The following ABCA12 variants were observed in gnomAD, a reference collection of about 807,000 sequenced individuals.
ABCA12 encodes the protein ATP binding cassette subfamily A member 12.
Under a neutral mutation model 293.5 loss-of-function variants are expected in ABCA12, and 156 were observed. The ratio of observed to expected loss-of-function variants is 0.53; its 90% CI spans 0.47 to 0.61. ABCA12 has a LOEUF of 0.61. Ranked by LOEUF, ABCA12 falls within the 20% of genes least tolerant of loss-of-function variation. The pLI, the probability that ABCA12 is intolerant of heterozygous loss-of-function variation, is 0.00. For synonymous variants in ABCA12, 1,063 were observed against 1,108.0 expected, an observed-to-expected ratio of 0.96 and a Z score of 0.81; for missense variants, 2,797 against 3,090.2, an observed-to-expected ratio of 0.91 and a Z score of 2.25.
intron 7 of ABCA12, among the ~76,000 whole-genome samples, chr2:215,040,805 C>T (rs191085244): frequency 1.3e-5 from 2 of 150,196 alleles, no homozygotes; most frequent in African/African-American, 5.0e-5. Flanking sequence ...GAGGGAGACT[C>T]CGTCTCAAAA....
At position 215,001,696 on chromosome 2, in the gene ABCA12, C is replaced by G; in HGVS notation, c.2725G>C (p.Asp909His). The G allele has an allele frequency of 1.2e-6, 2 of 1,613,296 alleles. No homozygotes were observed. The highest frequency in any genetic ancestry group is 1.7e-6 in the Non-Finnish European group (2 of 1,179,692). Reference sequence around the variant, plus strand: ...AGGGAAGATAGTGTGTTAAGCTGATCGATGATGTCAATGTTGTTCTCTAAT... The same window carrying G: ...AGGGAAGATAGTGTGTTAAGCTGATGGATGATGTCAATGTTGTTCTCTAAT... ...LKLENNIDII[D>H]QLNTLSSLTV... The change falls in exon 21 of 53, where the codon GAT becomes CAT. Residue 909 changes from aspartate (D) to histidine (H), a missense_variant. Asp to His is a moderately conservative substitution (Grantham distance 81). Coordinates refer to ENST00000272895, the MANE Select transcript of ABCA12 (RefSeq NM_173076.3).
chr2:215,088,213 G>C (rs993792926), intron 2 of ABCA12, among the ~76,000 whole-genome samples: 1 of 152,208 alleles, frequency 6.6e-6, no homozygotes, highest in Admixed American at 6.5e-5. Flanking sequence ...ATATAAGATA[G>C]ACTGAAGGAG....
intron 7 of ABCA12, among the ~76,000 whole-genome samples, chr2:215,044,862 A>G (rs1701169452): frequency 6.6e-6 from 1 of 152,156 alleles, no homozygotes; most frequent in Non-Finnish European, 1.5e-5. Flanking sequence ...AAGCATTCCA[A>G]AAGTAAAAAG....
At chr2:214,997,351 T>G (rs1368059355) in intron 23 of ABCA12, among the ~76,000 whole-genome samples, 1 of 152,208 alleles carries the variant, frequency 6.6e-6, no homozygotes, top group Non-Finnish European at 1.5e-5. Flanking sequence ...ACAATCTCTC[T>G]GCCTGAACAG....
At chr2:215,123,367 C>A (rs1333547895) in intron 1 of ABCA12, among the ~76,000 whole-genome samples, 2 of 152,016 alleles carry the variant, frequency 1.3e-5, no homozygotes, top group Non-Finnish European at 2.9e-5. Flanking sequence ...TATGGGGTTT[C>A]ACCATGTTGG....
chr2:215,119,464 CTTGAG>C (rs1702755585), intron 1 of ABCA12, among the ~76,000 whole-genome samples: 1 of 152,104 alleles, frequency 6.6e-6, no homozygotes, highest in Non-Finnish European at 1.5e-5. Context: ...TCTAATCCAT[CTTGAG>C]TTAATTTTTA....
At chr2:215,131,912 T>A (rs543123602) in intron 1 of ABCA12, among the ~76,000 whole-genome samples, 2 of 152,040 alleles carry the variant, frequency 1.3e-5, no homozygotes, top group South Asian at 4.1e-4. Flanking sequence ...CTTTGCTATA[T>A]CCTAGGAGCT....
At chr2:214,982,735 C>G (rs150038458) in intron 29 of ABCA12, among the ~76,000 whole-genome samples, 2 of 152,120 alleles carry the variant, frequency 1.3e-5, no homozygotes, top group East Asian at 3.9e-4. Context: ...TTGGGAAAAG[C>G]AGTGAACACA....
Position 215,001,034 on chromosome 2 carries a change from G to A in ABCA12, c.2864-14C>T. The A allele has an allele frequency of 6.2e-7, 1 of 1,612,886 alleles. No homozygotes were observed. Among genetic ancestry groups the A allele is most frequent in the Non-Finnish European group, 8.5e-7 (1 of 1,179,312 alleles). On this transcript the variant is annotated splice_polypyrimidine_tract_variant and intron_variant, in intron 21 of 52. Transcript: ENST00000272895. ...TAAAAATAACACCTAAAAATAAAAT[G>A]GCAACAACAGCAGAAAGGTTATTTT... is the stretch of plus-strand genomic sequence containing the variant.
chr2:214,972,845 G>T (rs1699416962), intron 36 of ABCA12, among the ~76,000 whole-genome samples: 1 of 151,058 alleles, frequency 6.6e-6, no homozygotes, highest in East Asian at 2.0e-4. Flanking sequence ...TTTAATACTG[G>T]GTTAAGACTA....
At chr2:215,080,470 T>G (rs927969437) in intron 2 of ABCA12, among the ~76,000 whole-genome samples, 5 of 151,390 alleles carry the variant, frequency 3.3e-5, no homozygotes, top group African/African-American at 1.2e-4. Context: ...GCCACTGCAC[T>G]GCAGCCTGAG....
chr2:215,031,882 T>C lies in ABCA12; in HGVS notation c.1000A>G (p.Ile334Val), dbSNP rs2106030742. 1.2e-6 allele frequency: 2 copies of C among 1,613,934 alleles called. No individual in the cohort carries two copies. Among genetic ancestry groups the C allele is most frequent in the Non-Finnish European group, 1.7e-6 (2 of 1,179,922 alleles). The change falls in exon 9 of 53, where the codon ATA becomes GTA. Residue 334 changes from isoleucine to valine, a missense_variant. Ile to Val is a conservative substitution (Grantham distance 29). This residue lies in a region of ABCA12 where 656 missense variants were observed against 638.2 expected (regional missense o/e 1.03). Transcript: ENST00000272895. ...TCATCCTCATTCCACACATGCGTTA[T>C]ATTATCGGAGTCACCTGAAGTAATA... Reference protein sequence around the residue: ...DSPAQGDSDNITHVWNEDDGQ... With the variant: ...DSPAQGDSDNVTHVWNEDDGQ...
rs375820567 is a variant in ABCA12, at chr2:215,076,500, A to G, written c.164-12281T>C. Among the ~76,000 whole-genome samples, 96 of 152,312 alleles carry G rather than the reference A, an allele frequency of 6.3e-4. No homozygotes were observed. The Middle Eastern group carries it at 0.017, about 27-fold the overall frequency. On this transcript the variant is annotated intron_variant, in intron 2 of 52. Transcript: ENST00000272895. ...CCGTTTTACATCTATCAGATTGGCA[A>G]AAGTTTAAAACACAAGTGTTGAGAG... is the stretch of plus-strand genomic sequence containing the variant.
At chr2:215,095,412 G>A (rs1387915489) in intron 2 of ABCA12, among the ~76,000 whole-genome samples, 1 of 151,988 alleles carries the variant, frequency 6.6e-6, no homozygotes, top group African/African-American at 2.4e-5. Flanking sequence ...ATACAGAACC[G>A]CATCCAGGCC....
chr2:215,083,911 T>C (rs1701990751), intron 2 of ABCA12, among the ~76,000 whole-genome samples: 1 of 152,190 alleles, frequency 6.6e-6, no homozygotes, highest in Admixed American at 6.5e-5. Flanking sequence ...TTTTCAAGTT[T>C]ATTATTATGA....
At chr2:215,028,966 T>G (rs892080515) in intron 9 of ABCA12, 4 of 152,148 alleles carry the variant, frequency 2.6e-5, no homozygotes, top group Admixed American at 2.6e-4. Flanking sequence ...AAAGATAAGC[T>G]GGAAGATGGG....
chr2:214,992,466 A>AG (rs1447431046), intron 23 of ABCA12, among the ~76,000 whole-genome samples: 4 of 148,908 alleles, frequency 2.7e-5, no homozygotes, highest in African/African-American at 9.9e-5. Context: ...AAAAATGAAA[A>AG]AAAAAAAAAA....
chr2:215,047,168 C>G (rs1701220328), intron 6 of ABCA12, among the ~76,000 whole-genome samples: 1 of 152,138 alleles, frequency 6.6e-6, no homozygotes, highest in South Asian at 2.1e-4. Flanking sequence ...AGCAAACCAC[C>G]ATGGCATACA....
At position 215,004,163 on chromosome 2, in the gene ABCA12, T is replaced by C. The variant is rs762996103; in HGVS notation, c.2683+46A>G. ...ATCATATGGAACAATGTTGTTTATA[T>C]GTCCGACATGACTCATGAATAAAAG... On this transcript the variant is annotated intron_variant, in intron 20 of 52. Coordinates refer to ENST00000272895, the MANE Select transcript of ABCA12 (RefSeq NM_173076.3). The C allele has an allele frequency of 1.1e-5, 16 of 1,475,562 alleles. No individual in the cohort carries two copies. In the East Asian group the frequency reaches 3.6e-4, roughly 33 times the overall value. The allele number at this position is 1,475,562 out of a possible 1,614,324, so 91.4% of individuals were successfully genotyped here.
Sources: allele counts gnomAD v4.1 joint callset (sites outside exome capture counted in the v4.1 genomes callset), GRCh38; gene constraint gnomAD v4.1.1; regional missense constraint gnomAD v4.1.1; transcripts MANE v1.5; gene names NCBI Gene and HGNC (gene_info 2026-07-23, HGNC 2026-07-21).